Variants in KLHL20 observed in about 807,000 individuals in gnomAD.
KLHL20 encodes the protein kelch like family member 20.
A neutral mutation model predicts 69.5 loss-of-function variants in KLHL20; 29 were observed. The ratio of observed to expected loss-of-function variants is 0.42; its 90% CI spans 0.31 to 0.57. The LOEUF is 0.57. Among genes scored for constraint, KLHL20 ranks in the 20% least tolerant of loss-of-function variants. The probability of loss-of-function intolerance (pLI) is 0.18; values close to 1 mark genes in which losing one functional copy is unlikely to be tolerated. For synonymous variants in KLHL20, 253 were observed against 265.2 expected, an observed-to-expected ratio of 0.95 and a Z score of 0.45; for missense variants, 419 against 776.0, an observed-to-expected ratio of 0.54 and a Z score of 5.47.
intron 7 of KLHL20, among the ~76,000 whole-genome samples, chr1:173,758,990 C>T (rs577206682): frequency 2.3e-4 from 35 of 152,256 alleles, no homozygotes; most frequent in African/African-American, 6.5e-4. Context: ...GCCTGCTGCC[C>T]GCCTGTGGCC....
At chr1:173,739,200 G>C (rs1440196258) in intron 3 of KLHL20, among the ~76,000 whole-genome samples, 3 of 152,028 alleles carry the variant, frequency 2.0e-5, no homozygotes, top group African/African-American at 7.2e-5. Context: ...AGCCTCCCGA[G>C]TATCTGGAAC....
chr1:173,786,306 A>G lies in KLHL20; in HGVS notation c.*1059A>G, dbSNP rs1272104229. 2.6e-5 allele frequency: 4 copies of G among 152,648 alleles called. No individual in the cohort carries two copies. Among genetic ancestry groups the G allele is most frequent in the African/African-American group, 9.7e-5 (4 of 41,450 alleles). 9.5% of individuals were successfully genotyped at this position (152,648 alleles called of 1,614,324 possible). Reference sequence around the variant, plus strand: ...ATATCTTGGTTCTTTTATACAAACAATGTATCATTATCTTCATTCTATAAG... The same window carrying G: ...ATATCTTGGTTCTTTTATACAAACAGTGTATCATTATCTTCATTCTATAAG... On this transcript the variant is annotated 3_prime_UTR_variant, in exon 12 of 12. Coordinates refer to ENST00000209884, the MANE Select transcript of KLHL20 (RefSeq NM_014458.4).
intron 3 of KLHL20, among the ~76,000 whole-genome samples, chr1:173,739,452 T>C (rs866816072): frequency 2.0e-5 from 3 of 152,184 alleles, no homozygotes; most frequent in Non-Finnish European, 4.4e-5. Flanking sequence ...CAATTTTTTT[T>C]ATTGTCATTT....
chr1:173,742,085 C>A (rs1041330562), intron 3 of KLHL20, among the ~76,000 whole-genome samples: 7 of 151,984 alleles, frequency 4.6e-5, no homozygotes, highest in Non-Finnish European at 5.9e-5. Context: ...GAAAAATGGG[C>A]CATAAACAGA....
Position 173,775,631 on chromosome 1 carries a change from C to CAGTGG in KLHL20, c.1430-1_1433dup. 6.2e-7 allele frequency: 1 copy of CAGTGG among 1,613,506 alleles called. No homozygotes were observed. Among genetic ancestry groups the CAGTGG allele is most frequent in the Non-Finnish European group, 8.5e-7 (1 of 1,179,570 alleles). On this transcript the variant is annotated splice_polypyrimidine_tract_variant and splice_region_variant and intron_variant, in intron 9 of 11. Transcript: ENST00000209884. ...CACTTACTGGTTTTTCTTTTCCCTA[C>CAGTGG]AGTGGAACGTTACAATCCTCAGGAA...
intron 3 of KLHL20, among the ~76,000 whole-genome samples, chr1:173,735,307 A>C (rs1364511955): frequency 6.6e-6 from 1 of 152,084 alleles, no homozygotes; most frequent in Non-Finnish European, 1.5e-5. Context: ...TTAGTCGGGC[A>C]TGGTGGCGTG....
chr1:173,765,269 C>T (rs541430003), intron 7 of KLHL20, among the ~76,000 whole-genome samples: 1 of 152,160 alleles, frequency 6.6e-6, no homozygotes, highest in Admixed American at 6.5e-5. Context: ...TTTGGGAGGC[C>T]GAGGCGGGTG....
At chr1:173,765,718 T>C (rs1353486197) in intron 7 of KLHL20, among the ~76,000 whole-genome samples, 2 of 151,856 alleles carry the variant, frequency 1.3e-5, no homozygotes, top group East Asian at 1.9e-4. Flanking sequence ...TTAGCATAAA[T>C]AGATCTCAAA....
chr1:173,753,088 A>G (rs548741481), intron 4 of KLHL20, 125 bp from the exon 5 acceptor site: 372 of 697,422 alleles, frequency 5.3e-4, no homozygotes, highest in Non-Finnish European at 8.3e-4. Flanking sequence ...TAGGCACATC[A>G]CTTGAGCCCA....
intron 2 of KLHL20, among the ~76,000 whole-genome samples, chr1:173,723,500 A>G (rs1394756012): frequency 1.3e-5 from 2 of 152,222 alleles, no homozygotes; most frequent in East Asian, 1.9e-4. Context: ...TCTTCTCCCT[A>G]GAATGTCCTT....
intron 5 of KLHL20, among the ~76,000 whole-genome samples, chr1:173,754,232 A>T (rs1218791579): frequency 6.6e-6 from 1 of 152,104 alleles, no homozygotes; most frequent in African/African-American, 2.4e-5. Flanking sequence ...TATATTAATC[A>T]TTCTTCATTT....
Position 173,753,289 on chromosome 1 carries a change from A to G in KLHL20, c.833A>G (p.Lys278Arg). Reference protein sequence around the residue: ...VGTVGSDPLIKSDEECRDLVD... With the variant: ...VGTVGSDPLIRSDEECRDLVD... ...ACAGTAGGCTCTGATCCCCTCATCA[A>G]AAGTGATGAAGAATGCAGGTATGAG... The change falls in exon 5 of 12, where the codon AAA becomes AGA. Residue 278 changes from lysine (K) to arginine (R), a missense_variant. Lys to Arg is a conservative substitution (Grantham distance 26). Coordinates refer to ENST00000209884, the MANE Select transcript of KLHL20 (RefSeq NM_014458.4). 3 of 1,613,638 alleles carry G rather than the reference A, an allele frequency of 1.9e-6. No homozygotes were observed. The highest frequency in any genetic ancestry group is 3.3e-4 in the Middle Eastern group (2 of 6,060).
At chr1:173,735,936 C>CTT (rs769632286) in intron 3 of KLHL20, among the ~76,000 whole-genome samples, 22,913 of 105,820 alleles carry the variant, frequency 0.22, 2,849 homozygotes, top group Middle Eastern at 0.3. Context: ...GCCATTCTAT[C>CTT]TTTTTTTTTT....
chr1:173,780,606 AT>A (rs1648798783), intron 10 of KLHL20, among the ~76,000 whole-genome samples: 1 of 152,182 alleles, frequency 6.6e-6, no homozygotes, highest in Non-Finnish European at 1.5e-5. Context: ...GTGGGACCCC[AT>A]CTATACAAAA....
At chr1:173,765,630 A>G (rs3791022) in intron 7 of KLHL20, among the ~76,000 whole-genome samples, 12,658 of 152,262 alleles carry the variant, frequency 0.083, 745 homozygotes, top group East Asian at 0.32. Flanking sequence ...CCTAAGGGGT[A>G]TATCAGTAGG....
chr1:173,727,480 A>C (rs192572248), intron 2 of KLHL20, among the ~76,000 whole-genome samples: 73 of 152,324 alleles, frequency 4.8e-4, no homozygotes, highest in African/African-American at 1.6e-3. Flanking sequence ...GAAGGAAAAA[A>C]TGTTAAGGGC....
rs1158402444 is a variant in KLHL20 at position 173,756,843 on chromosome 1, A to T, written c.968-133A>T. Reference sequence around the variant, plus strand: ...AATCCCAGTGGAATGAGTTGAAGTCATAACTTGCATTTTGACCTACTACTA... The same window carrying T: ...AATCCCAGTGGAATGAGTTGAAGTCTTAACTTGCATTTTGACCTACTACTA... On this transcript the variant is annotated intron_variant, in intron 6 of 11. Coordinates refer to ENST00000209884, the MANE Select transcript of KLHL20 (RefSeq NM_014458.4). 4.3e-6 allele frequency: 3 copies of T among 695,524 alleles called. No individual in the cohort carries two copies. In the East Asian group the frequency reaches 7.8e-5, roughly 18 times the overall value. 43.1% of individuals were successfully genotyped at this position (695,524 alleles called of 1,614,324 possible). A position where few individuals can be genotyped will look rare whatever the true frequency, so the allele number is the denominator to read the frequency against.
intron 9 of KLHL20, among the ~76,000 whole-genome samples, chr1:173,775,423 G>C (rs1396862945): frequency 1.3e-5 from 2 of 152,130 alleles, no homozygotes; most frequent in Non-Finnish European, 2.9e-5. Flanking sequence ...CCCAACACGT[G>C]CCCTTTCCAC....
At chr1:173,779,414 A>C (rs1310564755) in intron 10 of KLHL20, among the ~76,000 whole-genome samples, 1 of 148,228 alleles carries the variant, frequency 6.7e-6, no homozygotes, top group East Asian at 2.0e-4. Flanking sequence ...GCAGTGGTGC[A>C]ATCTCAGCTC....
Sources: allele counts gnomAD v4.1 joint callset (sites outside exome capture counted in the v4.1 genomes callset), GRCh38; gene constraint gnomAD v4.1.1; transcripts MANE v1.5; gene names NCBI Gene and HGNC (gene_info 2026-07-23, HGNC 2026-07-21).